Variants in PRDM16 observed in about 807,000 individuals in gnomAD.
PRDM16 encodes PR/SET domain 16, also known as histone-lysine N-methyltransferase PRDM16.
In PRDM16, 23 loss-of-function variants were observed where a neutral mutation model predicts 110.6. The ratio of observed to expected loss-of-function variants is 0.21; its 90% confidence interval spans 0.15 to 0.29. The LOEUF is 0.29. PRDM16 is among the 10% of genes least tolerant of loss of function. PRDM16 has a pLI of 1.00. For missense variants in PRDM16, 1,615 were observed against 1,794.3 expected (o/e 0.90, Z 1.81); for synonymous variants, 799 against 781.8 (o/e 1.02, Z -0.37).
chr1:3,134,348 G>A lies in PRDM16; in HGVS notation c.38-51777G>A, dbSNP rs76635958. Among the ~76,000 whole-genome samples the A allele has an allele frequency of 2.9e-3, 437 of 152,362 alleles. 7 individuals carry two copies. The East Asian group carries it at 0.053, about 18-fold the overall frequency. On this transcript the variant is annotated intron_variant, in intron 1 of 16. Transcript: ENST00000270722. The stretch of plus-strand genomic sequence containing the variant: ...TGGACAGCAGAGGAGACGCAGGCCT[G>A]GGGACGGACAGTTGGGCAGCAGGCA...
chr1:3,187,877 T>C (rs1211033362), intron 2 of PRDM16, among the ~76,000 whole-genome samples: 1 of 151,234 alleles, frequency 6.6e-6, no homozygotes, highest in Admixed American at 6.6e-5. Flanking sequence ...TGCGGCAGAG[T>C]CTGCGGCCGT....
chr1:3,320,032 C>T (rs1193882402), intron 3 of PRDM16, among the ~76,000 whole-genome samples: 1 of 152,156 alleles, frequency 6.6e-6, no homozygotes, highest in Admixed American at 6.5e-5. Context: ...AAAACAGTGC[C>T]TGGGCCTGGT....
chr1:3,180,945 CTT>C (rs1239592630), intron 1 of PRDM16, among the ~76,000 whole-genome samples: 10,315 of 146,326 alleles, frequency 0.07, 545 homozygotes, highest in East Asian at 0.17. Flanking sequence ...CACACGCAGC[CTT>C]ACACACGCAG....
At chr1:3,263,356 TAGAC>T (rs1344111582) in intron 3 of PRDM16, among the ~76,000 whole-genome samples, 1 of 152,174 alleles carries the variant, frequency 6.6e-6, no homozygotes, top group Non-Finnish European at 1.5e-5. Flanking sequence ...CCATCCCAAG[TAGAC>T]AGAGCGTGCC....
chr1:3,330,394 G>T, intron 3 of PRDM16, among the ~76,000 whole-genome samples: 1 of 152,236 alleles, frequency 6.6e-6, no homozygotes, highest in Middle Eastern at 3.2e-3. Context: ...GGCCTTCTCT[G>T]GTGGCCTTGT....
chr1:3,070,708 T>C (rs1422879660), intron 1 of PRDM16, among the ~76,000 whole-genome samples: 1 of 151,968 alleles, frequency 6.6e-6, no homozygotes, highest in Non-Finnish European at 1.5e-5. Context: ...TCGCGGCGGT[T>C]TTCCGAAGCT....
At chr1:3,346,717 A>G (rs1031319931) in intron 3 of PRDM16, among the ~76,000 whole-genome samples, 12 of 152,078 alleles carry the variant, frequency 7.9e-5, no homozygotes, top group African/African-American at 2.9e-4. Context: ...GACTGGGGTC[A>G]CTTCTGGTGC....
At chr1:3,162,953 CATGG>C (rs142929404) in intron 1 of PRDM16, among the ~76,000 whole-genome samples, 176 of 79,926 alleles carry the variant, frequency 2.2e-3, no homozygotes, top group African/African-American at 8.9e-3. Context: ...AAGCCCCTGG[CATGG>C]TCTAGAGGGC....
At chr1:3,329,549 G>C (rs78389367) in intron 3 of PRDM16, among the ~76,000 whole-genome samples, 11,080 of 152,256 alleles carry the variant, frequency 0.073, 541 homozygotes, top group East Asian at 0.19. Flanking sequence ...CTCTCTAGAG[G>C]CGTCCTGACC....
At chr1:3,106,127 C>T (rs1429676070) in intron 1 of PRDM16, among the ~76,000 whole-genome samples, 1 of 150,748 alleles carries the variant, frequency 6.6e-6, no homozygotes, top group Non-Finnish European at 1.5e-5. Context: ...CCACCTAGCA[C>T]ATGTGGATGG....
intron 2 of PRDM16, among the ~76,000 whole-genome samples, chr1:3,223,103 C>CTTTTTTTTTTT (rs1172383270): frequency 5.4e-5 from 4 of 73,994 alleles, no homozygotes; most frequent in African/African-American, 1.4e-4. Flanking sequence ...AAAATCAAGG[C>CTTTTTTTTTTT]TTTTTTTTTT....
rs1412416983 is a variant in PRDM16 at position 3,299,969 on chromosome 1, C to A, written c.438+55832C>A. 2.1e-5 allele frequency among the ~76,000 whole-genome samples: 2 copies of A among 96,588 alleles called. 1 individual carries two copies. The highest frequency in any genetic ancestry group is 4.7e-5 in the Non-Finnish European group (2 of 42,282). The allele number at this position is 96,588 out of a possible 152,430, so 63.4% of individuals were successfully genotyped here. A position where few individuals can be genotyped will look rare whatever the true frequency, so the allele number is the denominator to read the frequency against. On this transcript the variant is annotated intron_variant, in intron 3 of 16. Transcript: ENST00000270722. ...CCTTGTTGAAGATGCTATGCTGTGG[C>A]CGTGATGTTTCAGATCCCAGTCATG...
intron 3 of PRDM16, among the ~76,000 whole-genome samples, chr1:3,260,920 G>A (rs1332208757): frequency 6.6e-6 from 1 of 150,390 alleles, no homozygotes; most frequent in Non-Finnish European, 1.5e-5. Context: ...GGGACCAGAA[G>A]ACCCCAGAAG....
chr1:3,316,893 C>T (rs1011847248), intron 3 of PRDM16, among the ~76,000 whole-genome samples: 7 of 152,074 alleles, frequency 4.6e-5, no homozygotes, highest in African/African-American at 1.7e-4. Context: ...ACAATGTAGC[C>T]AGGAAGCCGA....
At chr1:3,424,958 A>G (rs1039750723) in intron 12 of PRDM16, 1 of 152,488 alleles carries the variant, frequency 6.6e-6, no homozygotes, top group East Asian at 1.9e-4. Flanking sequence ...GACCCAGACA[A>G]CAGAGGGCAG....
intron 1 of PRDM16, among the ~76,000 whole-genome samples, chr1:3,164,686 C>T (rs1027936560): frequency 4.6e-5 from 7 of 152,078 alleles, no homozygotes; most frequent in Non-Finnish European, 8.8e-5. Context: ...GCGGCGTGGT[C>T]GAGCGAGGTG....
intron 3 of PRDM16, among the ~76,000 whole-genome samples, chr1:3,249,505 A>T (rs1018020337): frequency 3.3e-5 from 5 of 152,008 alleles, no homozygotes; most frequent in Non-Finnish European, 7.4e-5. Flanking sequence ...GAGTGCCGTC[A>T]CTAAACTGCA....
intron 3 of PRDM16, among the ~76,000 whole-genome samples, chr1:3,329,750 A>AC (rs1642003724): frequency 6.6e-6 from 1 of 152,114 alleles, no homozygotes; most frequent in Non-Finnish European, 1.5e-5. Flanking sequence ...GGGCAGGGGC[A>AC]CCCCAGGCCG....
At position 3,352,534 on chromosome 1, in the gene PRDM16, C is replaced by T. The variant is rs369843324; in HGVS notation, c.439-32618C>T. Among the ~76,000 whole-genome samples the T allele has an allele frequency of 5.3e-5, 8 of 152,330 alleles. No individual in the cohort carries two copies. In the South Asian group the frequency reaches 1.0e-3, roughly 20 times the overall value. ...TTCCTTTCCCTTTCTTCTCCCTCCA[C>T]GGGCCCAGCCTCTGTGATTAAGCCT... On this transcript the variant is annotated intron_variant, in intron 3 of 16. Transcript: ENST00000270722.
Sources: allele counts gnomAD v4.1 joint callset (sites outside exome capture counted in the v4.1 genomes callset), GRCh38; gene constraint gnomAD v4.1.1; transcripts MANE v1.5; gene names NCBI Gene and HGNC (gene_info 2026-07-23, HGNC 2026-07-21).